The following EYS variants were observed in gnomAD, a reference collection of about 807,000 sequenced individuals.
EYS encodes the protein EGF-like photoreceptor maintenance factor.
A neutral mutation model predicts 282.1 loss-of-function variants in EYS; 250 were observed. The ratio of observed to expected loss-of-function variants is 0.89; its 90% CI spans 0.80 to 0.98. EYS has a LOEUF of 0.98. Ranked by LOEUF, EYS falls within the 50% of genes least tolerant of loss-of-function variation. EYS has a pLI of 0.00. For missense variants in EYS, 4,016 were observed against 3,709.0 expected (o/e 1.08, Z -2.15); for synonymous variants, 1,355 against 1,282.9 (o/e 1.06, Z -1.20).
intron 31 of EYS, among the ~76,000 whole-genome samples, chr6:64,148,679 T>C (rs997802920): frequency 5.3e-5 from 8 of 152,120 alleles, no homozygotes; most frequent in African/African-American, 1.7e-4. Flanking sequence ...TCTTACATCT[T>C]TATCTTTGTC....
chr6:64,276,924 G>C (rs781723578), intron 30 of EYS, among the ~76,000 whole-genome samples: 1 of 152,114 alleles, frequency 6.6e-6, no homozygotes, highest in African/African-American at 2.4e-5. Flanking sequence ...ATGTCAAAAA[G>C]TTATATAAAT....
intron 12 of EYS, among the ~76,000 whole-genome samples, chr6:65,118,321 AT>A (rs1412733781): frequency 6.6e-6 from 1 of 151,726 alleles, no homozygotes; most frequent in Non-Finnish European, 1.5e-5. Flanking sequence ...GTTAGGCTTC[AT>A]TTAGAAAATG....
At chr6:64,105,817 T>G (rs961844903) in intron 31 of EYS, among the ~76,000 whole-genome samples, 2 of 152,132 alleles carry the variant, frequency 1.3e-5, no homozygotes, top group African/African-American at 4.8e-5. Flanking sequence ...TACCACAGTT[T>G]ATTAACTTTT....
intron 39 of EYS, among the ~76,000 whole-genome samples, chr6:63,781,279 T>A (rs560049092): frequency 8.1e-4 from 124 of 152,352 alleles, no homozygotes; most frequent in African/African-American, 2.8e-3. Context: ...TTTCCAATTT[T>A]GTGAAGAAAG....
chr6:65,440,687 A>G (rs1768280059), intron 5 of EYS, among the ~76,000 whole-genome samples: 1 of 151,238 alleles, frequency 6.6e-6, no homozygotes, highest in Admixed American at 6.6e-5. Flanking sequence ...CTCACACCAT[A>G]TACTTCTACA....
intron 2 of EYS, among the ~76,000 whole-genome samples, chr6:65,505,772 T>C (rs1398772387): frequency 1.3e-5 from 2 of 152,136 alleles, no homozygotes; most frequent in African/African-American, 4.8e-5. Context: ...TATGATTTCA[T>C]TTTGTCTTCA....
chr6:65,147,128 C>T (rs921605460), intron 12 of EYS, among the ~76,000 whole-genome samples: 2 of 151,692 alleles, frequency 1.3e-5, no homozygotes, highest in Non-Finnish European at 2.9e-5. Flanking sequence ...TTATTAATTT[C>T]TACTTTTATT....
chr6:64,991,504 T>G (rs538282548), intron 14 of EYS, among the ~76,000 whole-genome samples: 1 of 151,780 alleles, frequency 6.6e-6, no homozygotes, highest in East Asian at 1.9e-4. Context: ...TCATTGATTA[T>G]TTTTAATATG....
intron 22 of EYS, among the ~76,000 whole-genome samples, chr6:64,759,857 C>T: frequency 6.6e-6 from 1 of 152,130 alleles, no homozygotes; most frequent in East Asian, 1.9e-4. Context: ...CAACATATTA[C>T]TGCTTATTAC....
In EYS at chr6:65,700,973, C is replaced by A. The variant is rs192042736; in HGVS notation, c.-448+6162G>T. 2.1e-3 allele frequency among the ~76,000 whole-genome samples: 325 copies of A among 152,270 alleles called. 2 individuals carry two copies. The highest frequency in any genetic ancestry group is 3.5e-3 in the Non-Finnish European group (240 of 68,010). Reference sequence around the variant, plus strand: ...TGGTTTATTGTTTCATATTGCTATACAGCATCTCATAGTGTGATTTACTGT... The same window carrying A: ...TGGTTTATTGTTTCATATTGCTATAAAGCATCTCATAGTGTGATTTACTGT... On this transcript the variant is annotated intron_variant, in intron 1 of 42. Transcript: ENST00000503581.
intron 12 of EYS, among the ~76,000 whole-genome samples, chr6:65,248,893 T>G (rs751854470): frequency 2.0e-5 from 3 of 151,990 alleles, no homozygotes; most frequent in African/African-American, 7.2e-5. Flanking sequence ...GTACAAGTTA[T>G]CCTGAAGAAG....
intron 26 of EYS, among the ~76,000 whole-genome samples, chr6:64,559,271 ATGTGTGTGTGTGTG>A (rs4034160): frequency 2.1e-5 from 3 of 142,206 alleles, no homozygotes; most frequent in African/African-American, 7.9e-5. Flanking sequence ...GTGTGTGTGC[ATGTGTGTGTGTGTG>A]TGTGTGTGTG....
intron 22 of EYS, among the ~76,000 whole-genome samples, chr6:64,675,946 T>C (rs1434306907): frequency 6.6e-6 from 1 of 150,656 alleles, no homozygotes; most frequent in Non-Finnish European, 1.5e-5. Flanking sequence ...TATATATATC[T>C]AGATATATCT....
chr6:64,724,722 A>G (rs1409218430), intron 22 of EYS, among the ~76,000 whole-genome samples: 1 of 152,214 alleles, frequency 6.6e-6, no homozygotes, highest in Non-Finnish European at 1.5e-5. Flanking sequence ...ATCATCTGAT[A>G]TGCACTGAAA....
intron 1 of EYS, among the ~76,000 whole-genome samples, chr6:65,658,062 C>T (rs761672462): frequency 6.6e-6 from 1 of 151,706 alleles, no homozygotes; most frequent in Non-Finnish European, 1.5e-5. Context: ...TGTTATTGCA[C>T]ACTTAATAGA....
intron 9 of EYS, among the ~76,000 whole-genome samples, chr6:65,352,217 A>G (rs1315329436): frequency 6.6e-6 from 1 of 151,848 alleles, no homozygotes; most frequent in Non-Finnish European, 1.5e-5. Context: ...TAAAAGGCTA[A>G]TTGTTAGTTT....
At chr6:63,883,232 A>T (rs1307093909) in intron 35 of EYS, among the ~76,000 whole-genome samples, 1 of 151,828 alleles carries the variant, frequency 6.6e-6, no homozygotes. Flanking sequence ...CCCCTGTTCC[A>T]CTCTGTGACT....
At chr6:65,658,589 T>A (rs537521482) in intron 1 of EYS, among the ~76,000 whole-genome samples, 2 of 151,754 alleles carry the variant, frequency 1.3e-5, no homozygotes, top group Non-Finnish European at 3.0e-5. Flanking sequence ...TTTTGAGTGA[T>A]CAATCTACTC....
chr6:64,415,035 T>C (rs182318757), intron 28 of EYS, among the ~76,000 whole-genome samples: 5 of 152,310 alleles, frequency 3.3e-5, no homozygotes, highest in Admixed American at 2.6e-4. Context: ...ATGACTTTGA[T>C]ATAAAATCCA....
Sources: gnomAD v4.1 joint callset for allele counts (sites outside exome capture counted in the v4.1 genomes callset) on GRCh38, gnomAD v4.1.1 for gene constraint, MANE v1.5 for transcripts, NCBI Gene and HGNC (gene_info 2026-07-23, HGNC 2026-07-21) for gene names.